The following SLC22A9 variants were observed in gnomAD, a reference collection of about 807,000 sequenced individuals.
SLC22A9 encodes solute carrier family 22 member 9.
SLC22A9 carries 64 observed loss-of-function variants against 50.1 expected under a neutral mutation model. That is an observed-to-expected ratio of 1.28 (90% CI 1.04 to 1.57). The LOEUF is 1.57. Among genes scored for constraint, SLC22A9 ranks in the 40% most tolerant of loss-of-function variants. The pLI is 0.00. For missense variants in SLC22A9, 757 were observed against 676.1 expected (o/e 1.12, Z -1.33); for synonymous variants, 261 against 242.5 (o/e 1.08, Z -0.71).
chr11:63,369,976 G>C lies in SLC22A9; in HGVS notation c.-81G>C. 1 of 1,395,862 alleles carries C rather than the reference G, an allele frequency of 7.2e-7. No homozygotes were observed. The highest frequency in any genetic ancestry group is 9.8e-7 in the Non-Finnish European group (1 of 1,024,194). The allele number at this position is 1,395,862 out of a possible 1,614,324, so 86.5% of individuals were successfully genotyped here. ...TCAAAACACATTTAGTGTGACTTAG[G>C]GAAAGAAAACATTTTCCCTCTTTGA... is the stretch of plus-strand genomic sequence containing the variant. On this transcript the variant is annotated 5_prime_UTR_variant, in exon 1 of 10. Coordinates refer to ENST00000279178, the MANE Select transcript of SLC22A9 (RefSeq NM_080866.3).
chr11:63,377,260 C>T (rs2014478099), intron 5 of SLC22A9, among the ~76,000 whole-genome samples: 1 of 152,034 alleles, frequency 6.6e-6, no homozygotes, highest in Non-Finnish European at 1.5e-5. Flanking sequence ...TTCTCCTCTG[C>T]ACATGACACA....
chr11:63,379,960 G>A (rs748778929), intron 5 of SLC22A9, among the ~76,000 whole-genome samples: 3 of 152,110 alleles, frequency 2.0e-5, no homozygotes, highest in Non-Finnish European at 2.9e-5. Flanking sequence ...TCAAACTCCT[G>A]ACCTCAAGTG....
chr11:63,382,252 A>G lies in SLC22A9; in HGVS notation c.1048A>G (p.Arg350Gly), dbSNP rs151164553. ...GCTCCACATGCCCAACATATGTAAA[A>G]GGATCTCCCTCCTGTCCTTTACGAG... ...EMLHMPNICK[R>G]ISLLSFTRFA... is the part of the protein sequence containing the mutation. Residue 350 changes from arginine (R) to glycine (G), a missense_variant, in exon 6 of 10, where the codon AGG (arginine) becomes GGG (glycine). Arg to Gly is a moderately radical substitution (Grantham distance 125). Coordinates refer to ENST00000279178, the MANE Select transcript of SLC22A9 (RefSeq NM_080866.3). 2 of 1,610,308 alleles carry G rather than the reference A, an allele frequency of 1.2e-6. No homozygotes were observed. The highest frequency in any genetic ancestry group is 1.7e-6 in the Non-Finnish European group (2 of 1,178,802).
At chr11:63,375,495 A>G in intron 4 of SLC22A9, 150 bp from the exon 5 acceptor site, 1 of 1,061,150 alleles carries the variant, frequency 9.4e-7, no homozygotes, top group South Asian at 1.7e-5. Flanking sequence ...TTTTCTAGTT[A>G]TAGTCAAAGA....
chr11:63,375,405 A>G (rs556730), intron 4 of SLC22A9, among the ~76,000 whole-genome samples: 95,968 of 151,878 alleles, frequency 0.63, 30,601 homozygotes, highest in Non-Finnish European at 0.68. Flanking sequence ...TAAATTTGCC[A>G]AGTAAGAGAG....
chr11:63,409,709 A>G (rs966303559), intron 9 of SLC22A9, 93 bp from the exon 10 acceptor site: 3 of 1,298,884 alleles, frequency 2.3e-6, no homozygotes, highest in African/African-American at 3.0e-5. Context: ...TGGACAAAGA[A>G]TCAACATTCC....
intron 6 of SLC22A9, among the ~76,000 whole-genome samples, chr11:63,404,968 G>A (rs952933507): frequency 6.6e-6 from 1 of 152,048 alleles, no homozygotes; most frequent in African/African-American, 2.4e-5. Flanking sequence ...GGAAAGGAGA[G>A]AATAATGAAT....
intron 6 of SLC22A9, among the ~76,000 whole-genome samples, chr11:63,404,691 C>T (rs2015007134): frequency 6.6e-6 from 1 of 152,104 alleles, no homozygotes; most frequent in Non-Finnish European, 1.5e-5. Context: ...TGGCCTGATG[C>T]CTAGTTGTTT....
Position 63,406,656 on chromosome 11 carries a change from G to A in SLC22A9, c.1233G>A (p.Met411Ile). The A allele has an allele frequency of 6.2e-7, 1 of 1,613,762 alleles. No individual in the cohort carries two copies. Among genetic ancestry groups the A allele is most frequent in the Non-Finnish European group, 8.5e-7 (1 of 1,179,824 alleles). Residue 411 changes from methionine (M) to isoleucine (I), a missense_variant, in exon 7 of 10, where the codon ATG becomes ATA. Met to Ile is a conservative substitution (Grantham distance 10). Coordinates refer to ENST00000279178, the MANE Select transcript of SLC22A9 (RefSeq NM_080866.3). ...LKYMNRRASQ[M>I]LLMFLLAICL... ...ACATGAACCGTCGAGCAAGCCAGAT[G>A]CTTCTCATGTTCCTACTGGCAATCT...
intron 9 of SLC22A9, 67 bp from the exon 10 acceptor site, chr11:63,409,735 C>A: frequency 6.8e-7 from 1 of 1,478,518 alleles, no homozygotes; most frequent in Non-Finnish European, 9.4e-7. Context: ...GAATGCGGGA[C>A]TTACATGTTT....
At chr11:63,403,452 A>T (rs1467497968) in intron 6 of SLC22A9, among the ~76,000 whole-genome samples, 1 of 152,128 alleles carries the variant, frequency 6.6e-6, no homozygotes. Context: ...CCCCACCTCC[A>T]TTATTATTAT....
chr11:63,375,308 C>A (rs183310361), intron 4 of SLC22A9, among the ~76,000 whole-genome samples: 35 of 152,228 alleles, frequency 2.3e-4, no homozygotes, highest in African/African-American at 8.4e-4. Context: ...TAAGAATAGA[C>A]ATAAGTCATG....
rs1466546119 is a variant in SLC22A9, at chr11:63,370,266, T to A, written c.210T>A (p.Asp70Glu). 2 of 1,613,942 alleles carry A rather than the reference T, an allele frequency of 1.2e-6. No homozygotes were observed. The highest frequency in any genetic ancestry group is 1.7e-6 in the Non-Finnish European group (2 of 1,179,932). ...ATGACACTGGGGCCCTCAGCCAAGATGCACTCTTGAGAATCTCCATCCCAC... is the reference window on the plus strand; with the variant it reads ...ATGACACTGGGGCCCTCAGCCAAGAAGCACTCTTGAGAATCTCCATCCCAC... The part of the protein sequence containing the change: ...SDNDTGALSQ[D>E]ALLRISIPLD... The change falls in exon 1 of 10, where the codon GAT becomes GAA. Residue 70 changes from aspartate to glutamate, a missense_variant. Asp to Glu is a conservative substitution (Grantham distance 45). Coordinates refer to ENST00000279178, the MANE Select transcript of SLC22A9 (RefSeq NM_080866.3).
At chr11:63,379,083 C>A (rs1393076494) in intron 5 of SLC22A9, among the ~76,000 whole-genome samples, 1 of 151,906 alleles carries the variant, frequency 6.6e-6, no homozygotes, top group Admixed American at 6.6e-5. Flanking sequence ...GCAAAATGAA[C>A]AAAGCTGTAG....
chr11:63,375,041 A>C (rs2014436376), intron 4 of SLC22A9, among the ~76,000 whole-genome samples: 1 of 152,182 alleles, frequency 6.6e-6, no homozygotes, highest in South Asian at 2.1e-4. Flanking sequence ...TTTAATACAG[A>C]GAGAAGAGTT....
At chr11:63,404,155 T>C (rs1476708770) in intron 6 of SLC22A9, among the ~76,000 whole-genome samples, 1 of 152,100 alleles carries the variant, frequency 6.6e-6, no homozygotes, top group Non-Finnish European at 1.5e-5. Context: ...TAATGGAATA[T>C]TAGCCTCAAA....
intron 6 of SLC22A9, among the ~76,000 whole-genome samples, chr11:63,402,012 A>G (rs548931044): frequency 7.9e-5 from 12 of 151,932 alleles, no homozygotes; most frequent in Non-Finnish European, 1.3e-4. Flanking sequence ...CAAACATTAG[A>G]CCTTTGTCAA....
chr11:63,385,686 C>T (rs190033049), intron 6 of SLC22A9, among the ~76,000 whole-genome samples: 1 of 152,108 alleles, frequency 6.6e-6, no homozygotes, highest in African/African-American at 2.4e-5. Context: ...GCTTAAGAAG[C>T]TTTTGGGATG....
Position 63,404,729 on chromosome 11 carries a change from A to C in SLC22A9, c.1074-1768A>C, listed in dbSNP as rs77704684. 2.8e-3 allele frequency among the ~76,000 whole-genome samples: 431 copies of C among 152,276 alleles called. 3 individuals carry two copies. Among genetic ancestry groups the C allele is most frequent in the African/African-American group, 8.9e-3 (368 of 41,554 alleles). On this transcript the variant is annotated intron_variant, in intron 6 of 9. Coordinates refer to ENST00000279178, the MANE Select transcript of SLC22A9 (RefSeq NM_080866.3). ...CCCTTGACCAGGGGAACCTTCACAC[A>C]GGAAGCTTGTTTATACTGGCAGATG...
Sources: gnomAD v4.1 joint callset for allele counts (sites outside exome capture counted in the v4.1 genomes callset) on GRCh38, gnomAD v4.1.1 for gene constraint, MANE v1.5 for transcripts, NCBI Gene and HGNC (gene_info 2026-07-23, HGNC 2026-07-21) for gene names.